Variants in KDM4C observed in about 807,000 individuals in gnomAD.
KDM4C encodes lysine demethylase 4C.
In KDM4C, 81 loss-of-function variants were observed where a neutral mutation model predicts 129.3. The ratio of observed to expected loss-of-function variants is 0.63; its 90% CI spans 0.52 to 0.75. The LOEUF (loss-of-function observed/expected upper bound fraction) is 0.75. KDM4C is among the 30% of genes least tolerant of loss of function. The pLI, the probability that KDM4C is intolerant of heterozygous loss-of-function variation, is 0.00. For missense variants in KDM4C, 1,457 were observed against 1,304.0 expected (o/e 1.12, Z -1.81); for synonymous variants, 573 against 456.1 (o/e 1.26, Z -3.26).
chr9:6,801,529 G>A (rs1828966733), intron 2 of KDM4C, among the ~76,000 whole-genome samples: 1 of 150,934 alleles, frequency 6.6e-6, no homozygotes, highest in Non-Finnish European at 1.5e-5. Context: ...GAGCTACCGT[G>A]CCCAGCCTGA....
intron 8 of KDM4C, among the ~76,000 whole-genome samples, chr9:6,957,481 T>C (rs7863791): frequency 0.75 from 113,308 of 152,062 alleles, 42,682 homozygotes; most frequent in East Asian, 1. Flanking sequence ...TAGAGCTTGT[T>C]AATACCACCA....
At chr9:6,992,555 G>C (rs956775281) in intron 12 of KDM4C, among the ~76,000 whole-genome samples, 7 of 152,198 alleles carry the variant, frequency 4.6e-5, no homozygotes. Context: ...ACTGGCAACA[G>C]AGAATATTCT....
At chr9:7,046,299 T>A (rs1351320178) in intron 15 of KDM4C, among the ~76,000 whole-genome samples, 1 of 151,980 alleles carries the variant, frequency 6.6e-6, no homozygotes, top group African/African-American at 2.4e-5. Context: ...GCCGGATAGC[T>A]GGGGTTGATC....
intron 8 of KDM4C, among the ~76,000 whole-genome samples, chr9:6,945,509 T>G (rs907601413): frequency 6.6e-6 from 1 of 152,212 alleles, no homozygotes; most frequent in Non-Finnish European, 1.5e-5. Context: ...TGTTGTAAGC[T>G]TAAATTAATT....
At chr9:6,959,834 A>C (rs771319529) in intron 8 of KDM4C, among the ~76,000 whole-genome samples, 4 of 152,112 alleles carry the variant, frequency 2.6e-5, no homozygotes, top group Non-Finnish European at 5.9e-5. Flanking sequence ...AACTTAATTT[A>C]TCACCAGGCA....
chr9:6,976,289 A>C (rs1011573705), intron 8 of KDM4C, among the ~76,000 whole-genome samples: 4 of 152,186 alleles, frequency 2.6e-5, no homozygotes, highest in African/African-American at 9.7e-5. Flanking sequence ...TTACTATAGA[A>C]ATAATGAGCA....
intron 4 of KDM4C, among the ~76,000 whole-genome samples, chr9:6,819,897 T>C (rs566701170): frequency 6.6e-6 from 1 of 152,242 alleles, no homozygotes; most frequent in South Asian, 2.1e-4. Context: ...TTTCTCGTGG[T>C]TCATGGCATT....
intron 15 of KDM4C, among the ~76,000 whole-genome samples, chr9:7,028,927 C>T (rs1826262432): frequency 6.6e-6 from 1 of 150,578 alleles, no homozygotes; most frequent in Admixed American, 6.6e-5. Context: ...GGAGGGGCGG[C>T]GTTGGTGATT....
intron 8 of KDM4C, among the ~76,000 whole-genome samples, chr9:6,940,046 C>T (rs1193200910): frequency 8.3e-6 from 1 of 120,562 alleles, no homozygotes; most frequent in Non-Finnish European, 1.8e-5. Flanking sequence ...TCCTTCCTTC[C>T]CTCCTTCCCT....
intron 5 of KDM4C, among the ~76,000 whole-genome samples, chr9:6,879,157 G>A (rs1302371085): frequency 6.6e-6 from 1 of 152,070 alleles, no homozygotes; most frequent in Non-Finnish European, 1.5e-5. Context: ...GAGCTAGTAA[G>A]TACAGCAAAT....
In KDM4C at chr9:6,789,629, G is replaced by T. The variant is rs1826157967; in HGVS notation, c.-17-3343G>T. On this transcript the variant is annotated intron_variant, in intron 1 of 21. Coordinates refer to ENST00000381309, the MANE Select transcript of KDM4C (RefSeq NM_015061.6). ...GATCTGCCTGCCTCGACCTCTCAAA[G>T]TGCTGGGATTACAGGTGTGAGCCAC... Among the ~76,000 whole-genome samples, 2 of 152,076 alleles carry T rather than the reference G, an allele frequency of 1.3e-5. 1 individual carries two copies. The highest frequency in any genetic ancestry group is 1.3e-4 in the Admixed American group (2 of 15,260).
intron 1 of KDM4C, among the ~76,000 whole-genome samples, chr9:6,744,691 A>G (rs60437839): frequency 0.038 from 5,733 of 152,222 alleles, 367 homozygotes; most frequent in African/African-American, 0.13. Flanking sequence ...TGCCACCCTC[A>G]GCCAACAGCT....
At chr9:6,894,131 C>G (rs906566162) in intron 8 of KDM4C, among the ~76,000 whole-genome samples, 1 of 152,206 alleles carries the variant, frequency 6.6e-6, no homozygotes, top group Non-Finnish European at 1.5e-5. Flanking sequence ...GTGGAGCCAT[C>G]AGGTGAACGT....
intron 15 of KDM4C, among the ~76,000 whole-genome samples, chr9:7,021,902 T>G (rs1006054804): frequency 2.0e-5 from 3 of 152,210 alleles, no homozygotes; most frequent in Admixed American, 2.0e-4. Flanking sequence ...CATCATTTAT[T>G]GAAGAGACTG....
At chr9:6,964,926 C>T (rs1383841435) in intron 8 of KDM4C, among the ~76,000 whole-genome samples, 1 of 152,062 alleles carries the variant, frequency 6.6e-6, no homozygotes, top group East Asian at 1.9e-4. Flanking sequence ...TGCACTCCAG[C>T]CTGGGCTACA....
At chr9:6,741,401 C>T (rs1015798070) in intron 1 of KDM4C, among the ~76,000 whole-genome samples, 1 of 151,736 alleles carries the variant, frequency 6.6e-6, no homozygotes, top group Non-Finnish European at 1.5e-5. Flanking sequence ...TCTCAAAAAA[C>T]AAAAAACAAA....
chr9:6,815,267 C>G (rs1437095382), intron 4 of KDM4C: 2 of 151,958 alleles, frequency 1.3e-5, no homozygotes, highest in African/African-American at 4.8e-5. Flanking sequence ...TGGTTATATT[C>G]TAATTCTTTT....
Position 6,986,375 on chromosome 9 carries a change from A to C in KDM4C, c.1386A>C (p.Glu462Asp), listed in dbSNP as rs894841575. ...GCTGCTTAAGTACATCTGTAACAGAAGACATAAAAACTGAGGATGACAAAG... is the reference window on the plus strand; with the variant it reads ...GCTGCTTAAGTACATCTGTAACAGACGACATAAAAACTGAGGATGACAAAG... ...GNSCLSTSVT[E>D]DIKTEDDKAY... Residue 462 changes from glutamate (E) to aspartate (D), a missense_variant, in exon 11 of 22, where the codon GAA (glutamate) becomes GAC (aspartate). Physicochemically the swap from Glu to Asp is conservative, Grantham distance 45. Transcript: ENST00000381309. 1.9e-6 allele frequency: 3 copies of C among 1,612,694 alleles called. No homozygotes were observed. The Admixed American group carries it at 5.0e-5, about 27-fold the overall frequency.
intron 1 of KDM4C, among the ~76,000 whole-genome samples, chr9:6,736,202 A>G (rs1278753176): frequency 6.6e-6 from 1 of 152,202 alleles, no homozygotes; most frequent in Admixed American, 6.5e-5. Flanking sequence ...GAAGCAGAGC[A>G]TAAAAGACTG....
Sources: allele counts gnomAD v4.1 joint callset (sites outside exome capture counted in the v4.1 genomes callset), GRCh38; gene constraint gnomAD v4.1.1; transcripts MANE v1.5; gene names NCBI Gene and HGNC (gene_info 2026-07-23, HGNC 2026-07-21).